The following NOL4L variants were observed in gnomAD, a reference collection of about 807,000 sequenced individuals.
NOL4L encodes nucleolar protein 4 like, also known as nucleolar protein 4-like.
A neutral mutation model predicts 64.5 loss-of-function variants in NOL4L; 7 were observed. The observed-to-expected ratio is 0.11, with a 90% confidence interval of 0.06 to 0.20. NOL4L has a LOEUF of 0.20. Among genes scored for constraint, NOL4L ranks in the 10% least tolerant of loss-of-function variants. The pLI is 1.00. For missense variants in NOL4L, 680 were observed against 967.1 expected (o/e 0.70, Z 3.94); for synonymous variants, 413 against 401.0 (o/e 1.03, Z -0.36).
intron 1 of NOL4L, among the ~76,000 whole-genome samples, chr20:32,574,798 C>T (rs186759170): frequency 6.7e-6 from 1 of 150,048 alleles, no homozygotes; most frequent in Non-Finnish European, 1.5e-5. Context: ...CACGGGGTCC[C>T]CTCCACGGCC....
At chr20:32,450,708 C>T (rs898542587) in intron 10 of NOL4L, among the ~76,000 whole-genome samples, 19 of 152,136 alleles carry the variant, frequency 1.2e-4, no homozygotes, top group African/African-American at 4.6e-4. Context: ...TTGTCACCAT[C>T]GCCTGCTGCT....
chr20:32,567,660 G>A (rs1272977816), intron 1 of NOL4L, among the ~76,000 whole-genome samples: 1 of 152,322 alleles, frequency 6.6e-6, no homozygotes, highest in East Asian at 1.9e-4. Flanking sequence ...TCTGGGTGCT[G>A]CCCTTTGCTC....
At chr20:32,524,861 C>T (rs1274709275) in intron 2 of NOL4L, among the ~76,000 whole-genome samples, 1 of 152,124 alleles carries the variant, frequency 6.6e-6, no homozygotes, top group East Asian at 1.9e-4. Context: ...AAAAGGGTGG[C>T]ATGAGAAGGG....
intron 5 of NOL4L, among the ~76,000 whole-genome samples, chr20:32,471,577 G>C (rs1267076919): frequency 2.0e-5 from 3 of 152,190 alleles, no homozygotes; most frequent in African/African-American, 7.2e-5. Flanking sequence ...CTGGCTCCCT[G>C]AAATCACTCC....
intron 4 of NOL4L, chr20:32,509,758 G>C (rs1010950913): frequency 3.9e-6 from 5 of 1,280,516 alleles, no homozygotes; most frequent in South Asian, 3.8e-5. Flanking sequence ...ATCGCAACTT[G>C]CACGACACTG....
At chr20:32,481,943 G>A (rs1482872939) in intron 4 of NOL4L, among the ~76,000 whole-genome samples, 1 of 144,402 alleles carries the variant, frequency 6.9e-6, no homozygotes, top group African/African-American at 2.6e-5. Flanking sequence ...CCTTTGGTGT[G>A]TGTGAGTTGG....
At chr20:32,573,525 C>G (rs2145622143) in intron 1 of NOL4L, 1 of 152,958 alleles carries the variant, frequency 6.5e-6, no homozygotes, top group South Asian at 2.1e-4. Context: ...TCACAGCTTC[C>G]TTTCATTGAG....
intron 1 of NOL4L, among the ~76,000 whole-genome samples, chr20:32,576,532 A>G (rs1980118047): frequency 6.6e-6 from 1 of 152,162 alleles, no homozygotes; most frequent in African/African-American, 2.4e-5. Context: ...GCTCACACTC[A>G]GCTCTGGAGC....
intron 1 of NOL4L, among the ~76,000 whole-genome samples, chr20:32,559,592 C>T (rs948064873): frequency 6.6e-6 from 1 of 152,268 alleles, no homozygotes; most frequent in African/African-American, 2.4e-5. Flanking sequence ...GAGGCCTACA[C>T]AGGGGAGGGA....
At position 32,558,150 on chromosome 20, in the gene NOL4L, G is replaced by A. The variant is rs142610883; in HGVS notation, c.321+26420C>T. ...TCAAGTGAAGGGATTAAAATCCCCA[G>A]CTTCCCGAGTTTGCACGACCTCTCC... On this transcript the variant is annotated intron_variant, in intron 1 of 10. Transcript: ENST00000621426. 3.2e-4 allele frequency among the ~76,000 whole-genome samples: 49 copies of A among 152,326 alleles called. No individual in the cohort carries two copies. In the East Asian group the frequency reaches 9.2e-3, roughly 29 times the overall value.
At position 32,456,187 on chromosome 20, in the gene NOL4L, G is replaced by A. The variant is rs975217778; in HGVS notation, c.1050C>T (p.Tyr350=). Residue 350 remains tyrosine (Y), a synonymous_variant, in exon 6 of 11, where the codon TAC becomes TAT. Coordinates refer to ENST00000621426, the MANE Select transcript of NOL4L (RefSeq NM_001256798.2). The stretch of plus-strand genomic sequence containing the variant: ...CGTCGGCACCGCAGCCATCCGAGGG[G>A]TAGGAGGCTGTGCCAAGTGCCGTGG... ...PPATALGTAS[Y]PSDGCGADGL... is the part of the protein sequence containing the mutation. The A allele has an allele frequency of 2.5e-6, 4 of 1,605,744 alleles. No homozygotes were observed. In the Admixed American group the frequency reaches 6.8e-5, roughly 27 times the overall value.
rs373449919 is a variant in NOL4L, at chr20:32,463,849, C to T, written c.842-7454G>A. Among the ~76,000 whole-genome samples the T allele has an allele frequency of 6.6e-6, 1 of 152,056 alleles. No individual in the cohort carries two copies. Among genetic ancestry groups the T allele is most frequent in the Non-Finnish European group, 1.5e-5 (1 of 68,000 alleles). On this transcript the variant is annotated intron_variant, in intron 5 of 10. Coordinates refer to ENST00000621426, the MANE Select transcript of NOL4L (RefSeq NM_001256798.2). The surrounding 1 kb of genome is among the most constrained non-coding windows in gnomAD (Gnocchi z 5.8). Reference sequence around the variant, plus strand: ...TCCCGGTGGGCGACTCCCACCAGCTCCCAGGCTAGGCTCGGAGAACGGGAA... The same window carrying T: ...TCCCGGTGGGCGACTCCCACCAGCTTCCAGGCTAGGCTCGGAGAACGGGAA...
intron 4 of NOL4L, among the ~76,000 whole-genome samples, chr20:32,488,737 C>CT (rs568368239): frequency 1.3e-5 from 2 of 150,602 alleles, no homozygotes; most frequent in South Asian, 2.1e-4. Flanking sequence ...TCTTTCTTTT[C>CT]TTTCTTTCTT....
rs1189138467 is a variant in NOL4L, at chr20:32,445,319, C to A, written c.*2277G>T. On this transcript the variant is annotated 3_prime_UTR_variant, in exon 11 of 11. Coordinates refer to ENST00000621426, the MANE Select transcript of NOL4L (RefSeq NM_001256798.2). ...TTGTGTGGGTAGGGGGAGGGAGCCCCTTCCCCAGTCTTTCTCACTCCTGTC... is the reference window on the plus strand; with the variant it reads ...TTGTGTGGGTAGGGGGAGGGAGCCCATTCCCCAGTCTTTCTCACTCCTGTC... The A allele has an allele frequency of 2.0e-5, 3 of 152,200 alleles. No homozygotes were observed. The highest frequency in any genetic ancestry group is 4.4e-5 in the Non-Finnish European group (3 of 68,038). The allele number at this position is 152,200 out of a possible 1,614,324, so 9.4% of individuals were successfully genotyped here. A position where few individuals can be genotyped will look rare whatever the true frequency, so the allele number is the denominator to read the frequency against.
chr20:32,458,747 G>C (rs745398523), intron 5 of NOL4L, among the ~76,000 whole-genome samples: 6 of 152,260 alleles, frequency 3.9e-5, no homozygotes, highest in Non-Finnish European at 7.3e-5. Context: ...GGCACACAGT[G>C]AGCAAGTGGT....
chr20:32,517,040 T>G (rs1285422657), intron 3 of NOL4L, among the ~76,000 whole-genome samples: 1 of 151,766 alleles, frequency 6.6e-6, no homozygotes, highest in Non-Finnish European at 1.5e-5. Context: ...GGAAGAGGAG[T>G]GTGGAGTCAG....
chr20:32,483,555 G>A (rs2015885974), intron 4 of NOL4L: 1 of 975,106 alleles, frequency 1.0e-6, no homozygotes, highest in Non-Finnish European at 1.2e-6. Context: ...GGGCCCAGGC[G>A]AGCAGCGGCG....
Position 32,513,081 on chromosome 20 carries a change from G to A in NOL4L, c.590-1625C>T, listed in dbSNP as rs190829122. Among the ~76,000 whole-genome samples, 10 of 152,274 alleles carry A rather than the reference G, an allele frequency of 6.6e-5. No homozygotes were observed. In the East Asian group the frequency reaches 1.7e-3, roughly 26 times the overall value. On this transcript the variant is annotated intron_variant, in intron 3 of 10. Transcript: ENST00000621426. ...TTCAGGCCAGATTCATTTTGCCCCA[G>A]CCTTTTAATCAAAAGGTGCCCCTGG...
intron 10 of NOL4L, among the ~76,000 whole-genome samples, chr20:32,448,086 C>T (rs920920562): frequency 6.6e-6 from 1 of 152,144 alleles, no homozygotes; most frequent in African/African-American, 2.4e-5. Context: ...CAAAGGAACT[C>T]CTAAGATCTG....
Sources: gnomAD v4.1 joint callset for allele counts (sites outside exome capture counted in the v4.1 genomes callset) on GRCh38, gnomAD v4.1.1 for gene constraint, Gnocchi (gnomAD v3.1) non-coding constraint, MANE v1.5 for transcripts, NCBI Gene and HGNC (gene_info 2026-07-23, HGNC 2026-07-21) for gene names.